Variants in DGKK observed in about 807,000 individuals in gnomAD.
The protein encoded by DGKK is 142 kDa diacylglycerol kinase.
A neutral mutation model predicts 92.2 loss-of-function variants in DGKK; 35 were observed. The observed-to-expected ratio is 0.38, with a 90% CI of 0.29 to 0.50. DGKK has a LOEUF of 0.50. Ranked by LOEUF, DGKK falls within the 20% of genes least tolerant of loss-of-function variation. The probability of loss-of-function intolerance (pLI) is 0.92; values close to 1 mark genes in which losing one functional copy is unlikely to be tolerated. For missense variants in DGKK, 910 were observed against 992.2 expected (o/e 0.92, Z 1.11); for synonymous variants, 368 against 360.6 (o/e 1.02, Z -0.23).
chrX:50,457,225 C>A (rs782478626), intron 1 of DGKK, among the ~76,000 whole-genome samples: 8 of 111,436 alleles, frequency 7.2e-5, no homozygotes, highest in Non-Finnish European at 1.5e-4. Flanking sequence ...TTTAGGACAG[C>A]TCATTAACAC....
chrX:50,429,627 T>C (rs1045880916), intron 1 of DGKK, among the ~76,000 whole-genome samples: 4 of 111,811 alleles, frequency 3.6e-5, no homozygotes, highest in African/African-American at 1.3e-4. Flanking sequence ...AGGCGGAGCT[T>C]GCAGTGAGCC....
intron 4 of DGKK, among the ~76,000 whole-genome samples, chrX:50,419,341 G>A (rs1490572678): frequency 7.2e-5 from 8 of 111,602 alleles, no homozygotes; most frequent in Non-Finnish European, 1.5e-4. Flanking sequence ...TCAAAAGCCT[G>A]AGAAGTCCTC....
intron 4 of DGKK, among the ~76,000 whole-genome samples, chrX:50,416,169 G>A (rs1925430058): frequency 8.9e-6 from 1 of 111,734 alleles, no homozygotes. Context: ...GAACCTGCCA[G>A]TACCTTGATC....
rs1421130654 is a variant in DGKK at position 50,365,953 on chromosome X, A to C, written c.*2987T>G. ...GTTTACCTCCTATAGTATTGACACC[A>C]GAAGCAGTTGGTGGCAGTTCAAATG... On this transcript the variant is annotated 3_prime_UTR_variant, in exon 28 of 28. Transcript: ENST00000611977. The C allele has an allele frequency of 8.9e-6, 1 of 111,819 alleles. No homozygotes were observed. The highest frequency in any genetic ancestry group is 1.9e-5 in the Non-Finnish European group (1 of 53,188). 9.2% of individuals were successfully genotyped at this position (111,819 alleles called of 1,213,427 possible).
intron 7 of DGKK, among the ~76,000 whole-genome samples, 182 bp from the exon 8 acceptor site, chrX:50,401,321 A>G (rs1224458494): frequency 9.0e-6 from 1 of 110,945 alleles, no homozygotes; most frequent in African/African-American, 3.3e-5. Flanking sequence ...CTGAGCCTAC[A>G]CTGTCTCTCA....
At chrX:50,409,278 A>G (rs1234547287) in intron 4 of DGKK, among the ~76,000 whole-genome samples, 2 of 108,476 alleles carry the variant, frequency 1.8e-5, no homozygotes, top group Non-Finnish European at 3.8e-5. Flanking sequence ...ACTAAGGAAC[A>G]CGAAGAATTA....
At position 50,403,476 on chromosome X, in the gene DGKK, A is replaced by G. The variant is rs1487688631; in HGVS notation, c.1185+15T>C. 1 of 1,189,692 alleles carries G rather than the reference A, an allele frequency of 8.4e-7. No homozygotes were observed. The highest frequency in any genetic ancestry group is 1.1e-6 in the Non-Finnish European group (1 of 875,456). On this transcript the variant is annotated intron_variant, in intron 6 of 27. Transcript: ENST00000611977. ...TGGGAGAGGCCGACTGTGGGAAGAC[A>G]TGGCTAGTACTTACTACTTCATCTG...
intron 8 of DGKK, among the ~76,000 whole-genome samples, chrX:50,396,042 G>A (rs1557226078): frequency 8.9e-6 from 1 of 111,987 alleles, no homozygotes; most frequent in East Asian, 2.8e-4. Context: ...ATTTGCAATA[G>A]CAAAAGACTG....
intron 17 of DGKK, 114 bp downstream of exon 17, chrX:50,384,054 T>C (rs782589944): frequency 7.5e-6 from 3 of 400,119 alleles, no homozygotes; most frequent in African/African-American, 5.2e-5. Flanking sequence ...GTCACTTGCG[T>C]AGGTGACACA....
intron 1 of DGKK, among the ~76,000 whole-genome samples, chrX:50,441,032 C>CT (rs1557231249): frequency 9.0e-6 from 1 of 111,522 alleles, no homozygotes; most frequent in African/African-American, 3.3e-5. Context: ...GTGTTCCTAA[C>CT]TTGATGAGCT....
chrX:50,435,003 T>C (rs1290376754), intron 1 of DGKK, among the ~76,000 whole-genome samples: 1 of 112,373 alleles, frequency 8.9e-6, no homozygotes, highest in Non-Finnish European at 1.9e-5. Flanking sequence ...ACTACACACC[T>C]AGGCTATATG....
chrX:50,404,011 C>T, intron 5 of DGKK, 38 bp downstream of exon 5: 1 of 1,200,350 alleles, frequency 8.3e-7, no homozygotes, highest in African/African-American at 1.7e-5. Context: ...CTATATCTAC[C>T]CACTGAGCTT....
At position 50,393,201 on chromosome X, in the gene DGKK, G is replaced by A; in HGVS notation, c.1546C>T (p.Leu516Phe). 1.7e-6 allele frequency: 2 copies of A among 1,210,208 alleles called. No homozygotes were observed. Among genetic ancestry groups the A allele is most frequent in the Non-Finnish European group, 2.2e-6 (2 of 894,647 alleles). ...IVFLRKFKQY[L>F]NPSQVFDLLK... ...AAGTCGAACACTTGAGATGGGTTAAGGTATTGCTTGAATTTTCGGAGGAAG... is the reference window on the plus strand; with the variant it reads ...AAGTCGAACACTTGAGATGGGTTAAAGTATTGCTTGAATTTTCGGAGGAAG... The change falls in exon 9 of 28, where the codon CTT (leucine) becomes TTT (phenylalanine). Residue 516 changes from leucine (L) to phenylalanine (F), a missense_variant. Transcript: ENST00000611977.
chrX:50,445,798 T>C (rs1404293755), intron 1 of DGKK, among the ~76,000 whole-genome samples: 18 of 111,306 alleles, frequency 1.6e-4, no homozygotes, highest in African/African-American at 5.9e-4. Context: ...TTTTACATAG[T>C]TTTTTCTAGT....
At chrX:50,371,620 GAC>G in intron 26 of DGKK, 102 bp downstream of exon 26, 1 of 560,206 alleles carries the variant, frequency 1.8e-6, no homozygotes. Flanking sequence ...GCCAGCACTG[GAC>G]CCCCTGTACT....
chrX:50,392,500 T>G, intron 9 of DGKK, 51 bp from the exon 10 acceptor site: 1 of 988,445 alleles, frequency 1.0e-6, no homozygotes, highest in South Asian at 2.0e-5. Context: ...CTGGGTTTTG[T>G]AACTTTTCCT....
chrX:50,384,192 T>C lies in DGKK; in HGVS notation c.2525A>G (p.His842Arg), dbSNP rs1247979717. Residue 842 changes from histidine to arginine, a missense_variant, in exon 17 of 28, where the codon CAC becomes CGC. By Grantham distance (29) the His-to-Arg change is conservative. Transcript: ENST00000611977. ...CATAGATTCAGGTGTAAAATGTAAGTGATCCAAGTTAAGGTTGTCCAGGTC... is the reference window on the plus strand; with the variant it reads ...CATAGATTCAGGTGTAAAATGTAAGCGATCCAAGTTAAGGTTGTCCAGGTC... Reference protein sequence around the residue: ...SEDLDNLNLDHLHFTPESIRF... With the variant: ...SEDLDNLNLDRLHFTPESIRF... 2 of 1,175,571 alleles carry C rather than the reference T, an allele frequency of 1.7e-6. No individual in the cohort carries two copies. The highest frequency in any genetic ancestry group is 2.3e-4 in the Middle Eastern group (1 of 4,291).
Position 50,400,817 on chromosome X carries a change from C to T in DGKK, c.1411+220G>A, listed in dbSNP as rs55865910. On this transcript the variant is annotated intron_variant, in intron 8 of 27. Transcript: ENST00000611977. ...CTGATCAGAAACAATTGTGACCGAGCTACAGAGAACATGCCCACATACATA... is the reference window on the plus strand; with the variant it reads ...CTGATCAGAAACAATTGTGACCGAGTTACAGAGAACATGCCCACATACATA... 5.0e-3 allele frequency among the ~76,000 whole-genome samples: 559 copies of T among 111,072 alleles called. 6 individuals are homozygous for T. Among genetic ancestry groups the T allele is most frequent in the African/African-American group, 0.016 (488 of 30,477 alleles).
At chrX:50,438,115 G>A (rs1005241167) in intron 1 of DGKK, among the ~76,000 whole-genome samples, 1 of 110,105 alleles carries the variant, frequency 9.1e-6, no homozygotes. Flanking sequence ...TAAAGGGAAG[G>A]AGCAAGGGAG....
Sources: allele counts gnomAD v4.1 joint callset (sites outside exome capture counted in the v4.1 genomes callset), GRCh38; gene constraint gnomAD v4.1.1; transcripts MANE v1.5; gene names NCBI Gene and HGNC (gene_info 2026-07-23, HGNC 2026-07-21).